THAP5: variants seen among roughly 807,000 people sequenced by gnomAD.
THAP5 encodes the protein THAP domain-containing protein 5.
THAP5 carries 26 observed loss-of-function variants against 34.0 expected under a neutral mutation model. The observed-to-expected ratio is 0.77, with a 90% CI of 0.56 to 1.06. THAP5 has a LOEUF of 1.06. THAP5 is among the 50% of genes least tolerant of loss of function. The pLI is 0.00. For synonymous variants in THAP5, 125 were observed against 153.0 expected, an observed-to-expected ratio of 0.82 and a Z score of 1.35; for missense variants, 394 against 452.8, an observed-to-expected ratio of 0.87 and a Z score of 1.18.
chr7:108,557,990 C>A (rs889761226), downstream of THAP5, among the ~76,000 whole-genome samples: 1 of 152,264 alleles, frequency 6.6e-6, no homozygotes, highest in African/African-American at 2.4e-5. Context: ...AAAAAGGAAG[C>A]AAGCACCTTC....
intron 1 of THAP5, chr7:108,568,685 T>C (rs1226973147): frequency 1.9e-5 from 3 of 154,340 alleles, no homozygotes; most frequent in Non-Finnish European, 4.4e-5. Flanking sequence ...ATTTTAAATA[T>C]GTTGCTTTTC....
At chr7:108,568,459 C>A (rs1273043884) in intron 1 of THAP5, 3 of 154,516 alleles carry the variant, frequency 1.9e-5, no homozygotes, top group African/African-American at 4.8e-5. Flanking sequence ...CCCGCCTCAG[C>A]CTCCCAAAGT....
chr7:108,549,194 T>A, the THAP5 span, among the ~76,000 whole-genome samples: 1 of 150,792 alleles, frequency 6.6e-6, no homozygotes, highest in East Asian at 2.0e-4. Flanking sequence ...GGATCTCAGC[T>A]CACTACAACT....
downstream of THAP5, among the ~76,000 whole-genome samples, chr7:108,558,377 G>GTGTGTGTA (rs1401164750): frequency 2.4e-3 from 148 of 62,976 alleles, 5 homozygotes; most frequent in African/African-American, 4.8e-3. Context: ...ATGTGTGTGT[G>GTGTGTGTA]TATGTATATA....
At chr7:108,556,835 C>A (rs1394268848) in intron 1 of THAP5, among the ~76,000 whole-genome samples, 1 of 152,252 alleles carries the variant, frequency 6.6e-6, no homozygotes, top group Non-Finnish European at 1.5e-5. Context: ...TCCACATTTT[C>A]ACTGTGTGCT....
chr7:108,550,333 T>C (rs1402642685), downstream of THAP5, among the ~76,000 whole-genome samples: 1 of 152,220 alleles, frequency 6.6e-6, no homozygotes, highest in African/African-American at 2.4e-5. Flanking sequence ...GCTCTGACTT[T>C]AAAAAATAAT....
chr7:108,551,581 A>C (rs1251310253), downstream of THAP5, among the ~76,000 whole-genome samples: 2 of 152,222 alleles, frequency 1.3e-5, no homozygotes, highest in Non-Finnish European at 2.9e-5. Context: ...AGACGTCCAC[A>C]TCTTTATTAT....
At chr7:108,552,430 A>G (rs183718027), downstream of THAP5, among the ~76,000 whole-genome samples, 169 of 152,208 alleles carry the variant, frequency 1.1e-3, no homozygotes, top group African/African-American at 3.8e-3. Flanking sequence ...CTACTCATAC[A>G]TCTACTTTCC....
At position 108,565,928 on chromosome 7, in the gene THAP5, C is replaced by T. The variant is rs1295784927; in HGVS notation, c.175G>A (p.Asp59Asn). ...VPSKYQFLCS[D>N]HFTPDSLDIR... Reference sequence around the variant, plus strand: ...TCAAGAGAGTCAGGAGTAAAATGGTCACTACATAGAAACTGGTATTTACTG... The same window carrying T: ...TCAAGAGAGTCAGGAGTAAAATGGTTACTACATAGAAACTGGTATTTACTG... The change falls in exon 2 of 3, where the codon GAC (aspartate) becomes AAC (asparagine). Residue 59 changes from aspartate (D) to asparagine (N), a missense_variant. By Grantham distance (23) the Asp-to-Asn change is conservative (BLOSUM62 1). Transcript: ENST00000415914. 6.4e-7 allele frequency: 1 copy of T among 1,550,874 alleles called. No individual in the cohort carries two copies. The highest frequency in any genetic ancestry group is 8.7e-7 in the Non-Finnish European group (1 of 1,146,874).
intron 1 of THAP5, chr7:108,568,370 TA>T (rs932226566): frequency 2.6e-5 from 4 of 152,776 alleles, no homozygotes; most frequent in East Asian, 1.9e-4. Context: ...CACGCGCAGC[TA>T]ATTTTGTATT....
At chr7:108,566,381 A>C (rs1790488608) in intron 1 of THAP5, among the ~76,000 whole-genome samples, 2 of 152,216 alleles carry the variant, frequency 1.3e-5, no homozygotes, top group African/African-American at 4.8e-5. Context: ...TAGAACTAGA[A>C]AAAAGGTTTG....
At chr7:108,552,756 C>T (rs551000760), downstream of THAP5, among the ~76,000 whole-genome samples, 6 of 152,164 alleles carry the variant, frequency 3.9e-5, no homozygotes, top group South Asian at 1.2e-3. Flanking sequence ...GCCGAGGTCA[C>T]GCTATTGCAC....
intron 1 of THAP5, among the ~76,000 whole-genome samples, chr7:108,556,174 A>C (rs1864384604): frequency 6.6e-6 from 1 of 152,180 alleles, no homozygotes. Context: ...TGGGGATTAC[A>C]ATTTGAGATT....
chr7:108,566,335 A>C (rs1239047728), intron 1 of THAP5, among the ~76,000 whole-genome samples: 1 of 152,192 alleles, frequency 6.6e-6, no homozygotes, highest in Non-Finnish European at 1.5e-5. Flanking sequence ...TTTTCTATGG[A>C]TTATGTTCCA....
the THAP5 span, among the ~76,000 whole-genome samples, chr7:108,546,647 AG>A: frequency 1.3e-5 from 2 of 152,246 alleles, no homozygotes; most frequent in Non-Finnish European, 2.9e-5. Flanking sequence ...GTTTAAAACC[AG>A]GGTGCTCCAT....
chr7:108,560,227 G>T (rs1864416790), downstream of THAP5, among the ~76,000 whole-genome samples: 1 of 152,160 alleles, frequency 6.6e-6, no homozygotes, highest in Non-Finnish European at 1.5e-5. Flanking sequence ...TGTTTGCAAA[G>T]GAGAGAATGA....
In THAP5 at chr7:108,562,983, CAT is replaced by C. The variant is rs1790390081; in HGVS notation, c.*1206_*1207del. The C allele has an allele frequency of 6.6e-6, 1 of 151,044 alleles. No homozygotes were observed. Among genetic ancestry groups the C allele is most frequent in the Non-Finnish European group, 1.5e-5 (1 of 67,764 alleles). The allele number at this position is 151,044 out of a possible 1,614,324, so 9.4% of individuals were successfully genotyped here. On this transcript the variant is annotated 3_prime_UTR_variant, in exon 3 of 3. Coordinates refer to ENST00000415914, the MANE Select transcript of THAP5 (RefSeq NM_001130475.3). ...TCTGGAATTTAACAATGAATAAGCA[CAT>C]ATTTTAAAGGCCACACCTACTAAGA...
chr7:108,542,199 T>C, the THAP5 span, among the ~76,000 whole-genome samples: 1 of 152,208 alleles, frequency 6.6e-6, no homozygotes, highest in Non-Finnish European at 1.5e-5. Flanking sequence ...GATATAGATA[T>C]ATATTATGTA....
downstream of THAP5, among the ~76,000 whole-genome samples, chr7:108,551,284 T>G (rs1398363520): frequency 6.6e-6 from 1 of 151,942 alleles, no homozygotes; most frequent in Non-Finnish European, 1.5e-5. Flanking sequence ...TGTTGGGAGG[T>G]GGGGCTTTTT....
Sources: allele counts gnomAD v4.1 joint callset (sites outside exome capture counted in the v4.1 genomes callset), GRCh38; gene constraint gnomAD v4.1.1; transcripts MANE v1.5; gene names NCBI Gene and HGNC (gene_info 2026-07-23, HGNC 2026-07-21).